IL1RAPL2: variants seen among roughly 807,000 people sequenced by gnomAD.
IL1RAPL2 encodes the protein X-linked interleukin-1 receptor accessory protein-like 2.
IL1RAPL2 carries 3 observed loss-of-function variants against 44.1 expected under a neutral mutation model. That is an observed-to-expected ratio of 0.07 (90% confidence interval 0.03 to 0.18). The LOEUF is 0.18. IL1RAPL2 is among the 10% of genes least tolerant of loss of function. The probability of loss-of-function intolerance (pLI) is 1.00; values close to 1 mark genes in which losing one functional copy is unlikely to be tolerated. For synonymous variants in IL1RAPL2, 181 were observed against 178.8 expected, an observed-to-expected ratio of 1.01 and a Z score of -0.10; for missense variants, 391 against 496.4, an observed-to-expected ratio of 0.79 and a Z score of 2.02.
intron 6 of IL1RAPL2, among the ~76,000 whole-genome samples, chrX:105,560,147 C>G (rs1050691148): frequency 8.9e-6 from 1 of 111,823 alleles, no homozygotes; most frequent in Non-Finnish European, 1.9e-5. Flanking sequence ...TGAACTCTAG[C>G]AGTGGACATA....
In IL1RAPL2 at chrX:105,079,075, C is replaced by T. The variant is rs375630099; in HGVS notation, c.83-116400C>T. On this transcript the variant is annotated intron_variant, in intron 2 of 10. Coordinates refer to ENST00000372582, the MANE Select transcript of IL1RAPL2 (RefSeq NM_017416.2). The stretch of plus-strand genomic sequence containing the variant: ...GTCCAGCACTCCCCAGTGAGATGAA[C>T]GCGGTACCTCAGTTGGAAATGCAGA... Among the ~76,000 whole-genome samples, 15 of 112,207 alleles carry T rather than the reference C, an allele frequency of 1.3e-4. No individual in the cohort carries two copies. In the South Asian group the frequency reaches 2.6e-3, roughly 20 times the overall value.
At chrX:105,206,941 A>G (rs2033769139) in intron 3 of IL1RAPL2, among the ~76,000 whole-genome samples, 1 of 111,591 alleles carries the variant, frequency 9.0e-6, no homozygotes, top group Non-Finnish European at 1.9e-5. Context: ...AGAAACATAT[A>G]CATCAGTATA....
At chrX:105,641,998 A>G (rs1324666464) in intron 6 of IL1RAPL2, among the ~76,000 whole-genome samples, 2 of 111,048 alleles carry the variant, frequency 1.8e-5, no homozygotes, top group Non-Finnish European at 3.8e-5. Context: ...TAACCTCGCA[A>G]GGTTTCTTCA....
intron 2 of IL1RAPL2, among the ~76,000 whole-genome samples, chrX:104,849,301 C>A (rs1444265246): frequency 1.0e-5 from 1 of 98,756 alleles, no homozygotes; most frequent in Admixed American, 1.1e-4. Context: ...CTGCCTGCCT[C>A]AGCCTCCCAA....
chrX:104,734,416 T>C (rs1405599116), intron 2 of IL1RAPL2, among the ~76,000 whole-genome samples: 1 of 112,748 alleles, frequency 8.9e-6, no homozygotes, highest in Non-Finnish European at 1.9e-5. Flanking sequence ...AACAGATGAA[T>C]GGATAAAACA....
chrX:104,916,284 C>G (rs1199802382), intron 2 of IL1RAPL2, among the ~76,000 whole-genome samples: 1 of 111,624 alleles, frequency 9.0e-6, no homozygotes, highest in East Asian at 2.8e-4. Flanking sequence ...AGGTCCTTCC[C>G]ATCCCTTGTA....
chrX:105,748,390 A>G (rs2038568366), intron 8 of IL1RAPL2, among the ~76,000 whole-genome samples: 1 of 111,995 alleles, frequency 8.9e-6, no homozygotes, highest in East Asian at 2.8e-4. Context: ...ATTTATTCAA[A>G]TAAGTAGGGG....
At chrX:104,928,241 T>A (rs747016501) in intron 2 of IL1RAPL2, among the ~76,000 whole-genome samples, 1 of 111,363 alleles carries the variant, frequency 9.0e-6, no homozygotes. Context: ...TGCTATCAAA[T>A]TGTAGATCTT....
chrX:105,341,787 C>T (rs1355470345), intron 5 of IL1RAPL2, among the ~76,000 whole-genome samples: 2 of 110,373 alleles, frequency 1.8e-5, no homozygotes, highest in Non-Finnish European at 3.8e-5. Flanking sequence ...AAAAATTAGC[C>T]GAGCATGGGG....
intron 2 of IL1RAPL2, among the ~76,000 whole-genome samples, chrX:105,159,993 C>G (rs956742096): frequency 4.3e-5 from 4 of 92,386 alleles, no homozygotes; most frequent in South Asian, 7.0e-4. Flanking sequence ...CCCCCCCCCC[C>G]ACTCCACCCC....
chrX:104,984,972 T>A (rs2030532769), intron 2 of IL1RAPL2, among the ~76,000 whole-genome samples: 1 of 112,411 alleles, frequency 8.9e-6, no homozygotes, highest in Non-Finnish European at 1.9e-5. Context: ...AAAAAGCAAA[T>A]TCACTTAGCT....
At chrX:104,653,189 C>T (rs918101278) in intron 1 of IL1RAPL2, among the ~76,000 whole-genome samples, 4 of 111,840 alleles carry the variant, frequency 3.6e-5, no homozygotes, top group Non-Finnish European at 5.6e-5. Flanking sequence ...TTCTGTTAGA[C>T]CTTCAGCTGG....
At chrX:105,082,490 G>A (rs772281153) in intron 2 of IL1RAPL2, among the ~76,000 whole-genome samples, 19 of 111,480 alleles carry the variant, frequency 1.7e-4, no homozygotes, top group South Asian at 3.8e-4. Context: ...CTATGATCTC[G>A]GGTATACTGA....
intron 2 of IL1RAPL2, among the ~76,000 whole-genome samples, chrX:104,665,446 T>C (rs780405978): frequency 5.6e-4 from 62 of 111,307 alleles, no homozygotes; most frequent in African/African-American, 1.9e-3. Flanking sequence ...TTAATATTTT[T>C]TTCTTATTAC....
intron 5 of IL1RAPL2, among the ~76,000 whole-genome samples, chrX:105,332,101 G>A (rs1263928034): frequency 9.1e-6 from 1 of 109,883 alleles, no homozygotes; most frequent in African/African-American, 3.3e-5. Flanking sequence ...GGTTCCTGTT[G>A]GGGACCAGAA....
intron 5 of IL1RAPL2, among the ~76,000 whole-genome samples, chrX:105,380,045 T>G (rs775676856): frequency 8.9e-6 from 1 of 112,019 alleles, no homozygotes; most frequent in Admixed American, 9.5e-5. Flanking sequence ...CAGAGAGCAT[T>G]AATTTACTCG....
chrX:104,880,012 C>G (rs967353005), intron 2 of IL1RAPL2, among the ~76,000 whole-genome samples: 7 of 111,159 alleles, frequency 6.3e-5, no homozygotes, highest in African/African-American at 2.3e-4. Flanking sequence ...GAGTTGATTG[C>G]TTGGTAATCA....
intron 5 of IL1RAPL2, among the ~76,000 whole-genome samples, chrX:105,459,502 A>C (rs2036078975): frequency 9.0e-6 from 1 of 111,317 alleles, no homozygotes; most frequent in South Asian, 3.7e-4. Context: ...TTTCATCCAT[A>C]CATCTGTGTT....
intron 6 of IL1RAPL2, among the ~76,000 whole-genome samples, chrX:105,604,094 C>T: frequency 9.1e-6 from 1 of 109,426 alleles, no homozygotes; most frequent in Non-Finnish European, 1.9e-5. Context: ...TACAATGCAC[C>T]TCAAGGAACC....
Sources: gnomAD v4.1 joint callset for allele counts (sites outside exome capture counted in the v4.1 genomes callset) on GRCh38, gnomAD v4.1.1 for gene constraint, MANE v1.5 for transcripts, NCBI Gene and HGNC (gene_info 2026-07-23, HGNC 2026-07-21) for gene names.